CCDC3: variants seen among roughly 807,000 people sequenced by gnomAD.
CCDC3 encodes coiled-coil domain containing 3.
A neutral mutation model predicts 21.4 loss-of-function variants in CCDC3; 24 were observed. The observed-to-expected ratio is 1.12, with a 90% CI of 0.81 to 1.58. The LOEUF (loss-of-function observed/expected upper bound fraction) is 1.58, where lower values mean the gene tolerates loss of function less well. CCDC3 is among the 40% of genes most tolerant of loss of function. The pLI, the probability that CCDC3 is intolerant of heterozygous loss-of-function variation, is 0.00. For synonymous variants in CCDC3, 186 were observed against 166.0 expected (o/e 1.12, Z -0.93); for missense variants, 425 against 360.9 (o/e 1.18, Z -1.44).
At chr10:13,055,973 T>C (rs773028459) in intron 4 of CCDC3, among the ~76,000 whole-genome samples, 1 of 152,210 alleles carries the variant, frequency 6.6e-6, no homozygotes, top group Non-Finnish European at 1.5e-5. Flanking sequence ...GAAATCCCTA[T>C]TGTGCAGAAA....
intron 2 of CCDC3, among the ~76,000 whole-genome samples, chr10:12,989,381 G>T (rs1835646787): frequency 6.6e-6 from 1 of 152,166 alleles, no homozygotes; most frequent in South Asian, 2.1e-4. Context: ...ATCCTAGGGG[G>T]CCCCAGGACC....
At position 12,957,850 on chromosome 10, in the gene CCDC3, G is replaced by C. The variant is rs572960760; in HGVS notation, c.549+40488C>G. Among the ~76,000 whole-genome samples the C allele has an allele frequency of 2.0e-4, 30 of 152,144 alleles. No individual in the cohort carries two copies. The South Asian group carries it at 6.0e-3, about 31-fold the overall frequency. On this transcript the variant is annotated intron_variant, in intron 2 of 2. Transcript: ENST00000378825. ...TTAAACCTCTTTTCTTGTCTTTTTT[G>C]TTAATTTTTTTGTGAGAAGGAGCCT...
chr10:13,093,608 G>A (rs1192477655), intron 3 of CCDC3, among the ~76,000 whole-genome samples: 1 of 152,146 alleles, frequency 6.6e-6, no homozygotes, highest in East Asian at 1.9e-4. Flanking sequence ...GAGAAGCTAA[G>A]AGGTTATCTA....
intron 2 of CCDC3, among the ~76,000 whole-genome samples, 154 bp from the exon 3 acceptor site, chr10:12,898,833 G>A (rs1468194448): frequency 6.6e-6 from 1 of 152,154 alleles, no homozygotes; most frequent in Admixed American, 6.5e-5. Context: ...GTCCTTGACG[G>A]TGACATTCCC....
intron 2 of CCDC3, among the ~76,000 whole-genome samples, chr10:12,942,829 G>A (rs998811898): frequency 2.0e-5 from 3 of 152,150 alleles, no homozygotes; most frequent in Non-Finnish European, 1.5e-5. Flanking sequence ...AAAGGAGAGA[G>A]AGCTTTTCTC....
intron 2 of CCDC3, among the ~76,000 whole-genome samples, chr10:12,979,613 C>T (rs530120769): frequency 6.6e-6 from 1 of 152,162 alleles, no homozygotes; most frequent in Non-Finnish European, 1.5e-5. Flanking sequence ...CTCAAGTGAT[C>T]CTCCTACCTT....
intron 4 of CCDC3, among the ~76,000 whole-genome samples, chr10:13,062,663 G>A (rs4750303): frequency 0.74 from 112,130 of 151,952 alleles, 41,514 homozygotes; most frequent in Admixed American, 0.79. Flanking sequence ...CTTAGTTTAT[G>A]GTTTAAGTAA....
intron 5 of CCDC3, among the ~76,000 whole-genome samples, chr10:13,029,000 T>C (rs908080194): frequency 1.8e-4 from 28 of 152,124 alleles, no homozygotes; most frequent in Non-Finnish European, 1.5e-5. Flanking sequence ...GACCTGACAG[T>C]GTGTGAAAAT....
chr10:12,930,801 CA>C (rs1201028176), intron 2 of CCDC3, among the ~76,000 whole-genome samples: 2 of 152,272 alleles, frequency 1.3e-5, no homozygotes, highest in East Asian at 3.9e-4. Context: ...CCAAACATAA[CA>C]GTGCCGAGGT....
chr10:13,030,427 C>A (rs1376915594), intron 5 of CCDC3, among the ~76,000 whole-genome samples: 1 of 152,202 alleles, frequency 6.6e-6, no homozygotes, highest in Admixed American at 6.5e-5. Flanking sequence ...GAAGAAACTG[C>A]ATCAACTAAT....
intron 4 of CCDC3, among the ~76,000 whole-genome samples, chr10:13,057,569 A>T (rs1207144495): frequency 2.6e-5 from 4 of 151,902 alleles, no homozygotes; most frequent in Admixed American, 2.6e-4. Flanking sequence ...TCTTTATCTG[A>T]AAAATCCTCA....
intron 4 of CCDC3, among the ~76,000 whole-genome samples, chr10:13,071,952 T>C (rs747604093): frequency 9.2e-5 from 14 of 152,158 alleles, no homozygotes; most frequent in Non-Finnish European, 1.5e-4. Context: ...CTGGGAAGAG[T>C]TAATTTCCTA....
chr10:13,093,242 A>C (rs1832597061), intron 3 of CCDC3, among the ~76,000 whole-genome samples: 1 of 152,152 alleles, frequency 6.6e-6, no homozygotes, highest in Non-Finnish European at 1.5e-5. Flanking sequence ...GGCGAAAAGC[A>C]CATCTTACAT....
At chr10:13,088,763 C>T (rs1334690463) in intron 3 of CCDC3, among the ~76,000 whole-genome samples, 1 of 152,198 alleles carries the variant, frequency 6.6e-6, no homozygotes, top group Non-Finnish European at 1.5e-5. Context: ...TGGCTCACGC[C>T]TGTAATCCCA....
intron 2 of CCDC3, among the ~76,000 whole-genome samples, chr10:12,948,777 G>A (rs1834964055): frequency 2.7e-5 from 3 of 110,542 alleles, no homozygotes; most frequent in Non-Finnish European, 5.1e-5. Flanking sequence ...CTTTTGCCCA[G>A]GCTGGACTGC....
chr10:13,084,287 C>CCTTTTTT (rs1554766546), intron 3 of CCDC3, among the ~76,000 whole-genome samples: 1 of 102,212 alleles, frequency 9.8e-6, no homozygotes, highest in Non-Finnish European at 2.3e-5. Flanking sequence ...CTTTTCTTTT[C>CCTTTTTT]TTTTTTTTTT....
intron 4 of CCDC3, among the ~76,000 whole-genome samples, chr10:13,066,758 C>T (rs1836824818): frequency 1.3e-5 from 2 of 152,184 alleles, no homozygotes; most frequent in East Asian, 1.9e-4. Flanking sequence ...CGGGGTGGAG[C>T]CACAGGCAGC....
At chr10:13,056,514 C>T (rs1836683021) in intron 4 of CCDC3, among the ~76,000 whole-genome samples, 1 of 152,206 alleles carries the variant, frequency 6.6e-6, no homozygotes, top group Non-Finnish European at 1.5e-5. Context: ...CCTGTTAGCA[C>T]ACAGATCACA....
chr10:13,030,909 C>T (rs1377271661), intron 5 of CCDC3, among the ~76,000 whole-genome samples: 1 of 152,132 alleles, frequency 6.6e-6, no homozygotes, highest in Non-Finnish European at 1.5e-5. Flanking sequence ...GACTTTAACA[C>T]CCCACTGTCA....
Sources: gnomAD v4.1 joint callset for allele counts (sites outside exome capture counted in the v4.1 genomes callset) on GRCh38, gnomAD v4.1.1 for gene constraint, MANE v1.5 for transcripts, NCBI Gene and HGNC (gene_info 2026-07-23, HGNC 2026-07-21) for gene names.